Variants in TBC1D19 observed in about 807,000 individuals in gnomAD.
TBC1D19 encodes the protein TBC1 domain family, member 19.
Under a neutral mutation model 89.0 loss-of-function variants are expected in TBC1D19, and 60 were observed. The ratio of observed to expected loss-of-function variants is 0.67; its 90% CI spans 0.55 to 0.84. TBC1D19 has a LOEUF of 0.84. Ranked by LOEUF, TBC1D19 falls within the 40% of genes least tolerant of loss-of-function variation. The pLI is 0.00. For missense variants in TBC1D19, 500 were observed against 610.8 expected (o/e 0.82, Z 1.91); for synonymous variants, 189 against 199.7 (o/e 0.95, Z 0.45).
chr4:26,652,284 A>G (rs1744448433), intron 7 of TBC1D19, among the ~76,000 whole-genome samples: 1 of 151,974 alleles, frequency 6.6e-6, no homozygotes, highest in African/African-American at 2.4e-5. Flanking sequence ...TTTCAGAAAG[A>G]ATGGTACCAG....
At chr4:26,583,340 C>T (rs1739187362), upstream of TBC1D19, among the ~76,000 whole-genome samples, 2 of 152,168 alleles carry the variant, frequency 1.3e-5, no homozygotes, top group African/African-American at 4.8e-5. Context: ...TTTGTGCCCA[C>T]ACAGTTCCTT....
At chr4:26,650,125 G>A (rs1744261087) in intron 7 of TBC1D19, among the ~76,000 whole-genome samples, 1 of 151,996 alleles carries the variant, frequency 6.6e-6, no homozygotes, top group African/African-American at 2.4e-5. Flanking sequence ...TTGGACATTT[G>A]GGTTGGTTCC....
chr4:26,656,961 C>CTTG (rs751962355), intron 7 of TBC1D19, among the ~76,000 whole-genome samples: 1 of 61,750 alleles, frequency 1.6e-5, no homozygotes, highest in African/African-American at 5.5e-5. Flanking sequence ...TGCAATCTTT[C>CTTG]TTCTTCTTCT....
chr4:26,725,231 A>G (rs1717234923), intron 15 of TBC1D19, among the ~76,000 whole-genome samples: 1 of 152,162 alleles, frequency 6.6e-6, no homozygotes, highest in Admixed American at 6.5e-5. Context: ...TTCTTTCTTC[A>G]TTAAATATTC....
At chr4:26,630,498 A>ATT (rs959684488) in intron 4 of TBC1D19, among the ~76,000 whole-genome samples, 1 of 149,438 alleles carries the variant, frequency 6.7e-6, no homozygotes, top group Non-Finnish European at 1.5e-5. Flanking sequence ...CATAATCATG[A>ATT]TTTTTTTTTT....
chr4:26,687,347 G>T (rs922728634), intron 12 of TBC1D19, among the ~76,000 whole-genome samples: 1 of 152,160 alleles, frequency 6.6e-6, no homozygotes, highest in African/African-American at 2.4e-5. Flanking sequence ...TAGCCTCAGA[G>T]TTACTGACCA....
chr4:26,676,299 T>A (rs1712797966), intron 11 of TBC1D19, among the ~76,000 whole-genome samples: 1 of 152,226 alleles, frequency 6.6e-6, no homozygotes, highest in South Asian at 2.1e-4. Context: ...GCAAAATACT[T>A]AACCTCCTGA....
chr4:26,627,817 T>C (rs968697083), intron 4 of TBC1D19, among the ~76,000 whole-genome samples: 3 of 152,230 alleles, frequency 2.0e-5, no homozygotes, highest in Admixed American at 2.0e-4. Flanking sequence ...TTGTGAAAAT[T>C]TTCTCCCATT....
chr4:26,813,633 C>G, the TBC1D19 span, among the ~76,000 whole-genome samples: 1 of 152,198 alleles, frequency 6.6e-6, no homozygotes, highest in Non-Finnish European at 1.5e-5. Flanking sequence ...AGATAAGGTA[C>G]TGTGGGCTGA....
At chr4:26,619,954 G>A (rs997698642) in intron 3 of TBC1D19, among the ~76,000 whole-genome samples, 2 of 152,182 alleles carry the variant, frequency 1.3e-5, no homozygotes, top group African/African-American at 4.8e-5. Flanking sequence ...GTAGGTACAA[G>A]TCTGATGACT....
At chr4:26,814,550 A>C in the TBC1D19 span, among the ~76,000 whole-genome samples, 1 of 152,146 alleles carries the variant, frequency 6.6e-6, no homozygotes, top group Non-Finnish European at 1.5e-5. Flanking sequence ...CCTGTGCTTA[A>C]TTTCTATCTG....
At chr4:26,826,801 G>A in the TBC1D19 span, among the ~76,000 whole-genome samples, 3 of 152,196 alleles carry the variant, frequency 2.0e-5, no homozygotes, top group South Asian at 4.1e-4. Context: ...TAATGGTTCC[G>A]GGTGTGGGTG....
chr4:26,775,431 G>A, the TBC1D19 span, among the ~76,000 whole-genome samples: 5 of 152,216 alleles, frequency 3.3e-5, no homozygotes, highest in Non-Finnish European at 7.3e-5. Flanking sequence ...TCCAGCCTGG[G>A]CAACAGAGCG....
the TBC1D19 span, among the ~76,000 whole-genome samples, chr4:26,803,577 G>A: frequency 1.3e-5 from 2 of 152,198 alleles, no homozygotes; most frequent in Non-Finnish European, 2.9e-5. Flanking sequence ...CTGCCTCCCT[G>A]CATTTCAGAG....
intron 11 of TBC1D19, among the ~76,000 whole-genome samples, chr4:26,675,232 T>C (rs1712696259): frequency 2.6e-5 from 4 of 152,060 alleles, no homozygotes; most frequent in Admixed American, 2.0e-4. Context: ...ACAAATTCTA[T>C]CTCTTCGCAG....
intron 19 of TBC1D19, among the ~76,000 whole-genome samples, chr4:26,750,532 A>G (rs1718892819): frequency 6.6e-6 from 1 of 152,224 alleles, no homozygotes; most frequent in Non-Finnish European, 1.5e-5. Flanking sequence ...GTGCCTTATC[A>G]TCCCTTAGCA....
chr4:26,673,506 T>G (rs1712525383), intron 10 of TBC1D19, among the ~76,000 whole-genome samples: 1 of 148,032 alleles, frequency 6.8e-6, no homozygotes, highest in Admixed American at 6.8e-5. Flanking sequence ...GAGCTATAGT[T>G]AAAGCAAAGT....
intron 13 of TBC1D19, among the ~76,000 whole-genome samples, chr4:26,715,995 C>T (rs1716577431): frequency 6.6e-6 from 1 of 152,070 alleles, no homozygotes; most frequent in African/African-American, 2.4e-5. Flanking sequence ...TAGATATCAC[C>T]TTCTCAAGGA....
intron 1 of TBC1D19, chr4:26,576,881 T>G (rs1440379241): frequency 2.2e-6 from 1 of 455,654 alleles, no homozygotes; most frequent in Admixed American, 2.4e-5. Context: ...GTTAAAATTG[T>G]GTGTCAAATT....
Sources: allele counts gnomAD v4.1 joint callset (sites outside exome capture counted in the v4.1 genomes callset), GRCh38; gene constraint gnomAD v4.1.1; transcripts MANE v1.5; gene names NCBI Gene and HGNC (gene_info 2026-07-23, HGNC 2026-07-21).